ATXN10: variants seen among roughly 807,000 people sequenced by gnomAD.
ATXN10 encodes ataxin 10.
A neutral mutation model predicts 52.9 loss-of-function variants in ATXN10; 28 were observed. The observed-to-expected ratio is 0.53, with a 90% CI of 0.39 to 0.73. ATXN10 has a LOEUF of 0.73. Ranked by LOEUF, ATXN10 falls within the 30% of genes least tolerant of loss-of-function variation. The pLI is 0.00. For synonymous variants in ATXN10, 226 were observed against 221.5 expected (o/e 1.02, Z -0.18); for missense variants, 565 against 577.0 (o/e 0.98, Z 0.21).
intron 3 of ATXN10, among the ~76,000 whole-genome samples, chr22:45,698,108 A>ACAC (rs1239231212): frequency 1.3e-5 from 2 of 152,120 alleles, no homozygotes; most frequent in East Asian, 3.9e-4. Flanking sequence ...GCTGTTGTGA[A>ACAC]CATGCTGGTA....
rs1926091159 is a variant in ATXN10 at position 45,754,113 on chromosome 22, A to G, written c.1173+13575A>G. ...GACGCAACCTGGGTTCCTGAGCCTT[A>G]TGGGGTTAAGTGCAAAAGTGAGTCC... is the stretch of plus-strand genomic sequence containing the variant. On this transcript the variant is annotated intron_variant, in intron 9 of 11. Coordinates refer to ENST00000252934, the MANE Select transcript of ATXN10 (RefSeq NM_013236.4). This position sits in a 1 kb window ranked among gnomAD's most constrained non-coding sequence, Gnocchi z 5.4. Among the ~76,000 whole-genome samples, 1 of 152,142 alleles carries G rather than the reference A, an allele frequency of 6.6e-6. No homozygotes were observed. Among genetic ancestry groups the G allele is most frequent in the Admixed American group, 6.5e-5 (1 of 15,276 alleles).
rs564313702 is a variant in ATXN10 at position 45,722,852 on chromosome 22, T to A, written c.728+4359T>A. Among the ~76,000 whole-genome samples the A allele has an allele frequency of 7.9e-5, 12 of 152,244 alleles. No homozygotes were observed. In the South Asian group the frequency reaches 2.3e-3, roughly 29 times the overall value. On this transcript the variant is annotated intron_variant, in intron 6 of 11. Coordinates refer to ENST00000252934, the MANE Select transcript of ATXN10 (RefSeq NM_013236.4). ...CTGCACTATTGTTCGTTTTTTTTCT[T>A]CAGTTGTAATCCATCTGTTTTCTTT...
At chr22:45,739,312 A>T (rs1421215999) in intron 8 of ATXN10, among the ~76,000 whole-genome samples, 27 of 152,258 alleles carry the variant, frequency 1.8e-4, no homozygotes, top group Admixed American at 1.8e-3. Flanking sequence ...CCATTGTTAA[A>T]AGTATTACCA....
At chr22:45,695,494 C>T (rs1601592921) in intron 3 of ATXN10, among the ~76,000 whole-genome samples, 4 of 140,900 alleles carry the variant, frequency 2.8e-5, no homozygotes, top group Admixed American at 7.1e-5. Context: ...AGGCATATTT[C>T]TTTTTTTTTT....
Position 45,678,763 on chromosome 22 carries a change from T to G in ATXN10, c.116+6584T>G, listed in dbSNP as rs983711849. Reference sequence around the variant, plus strand: ...ATTGATTAGTTTACCATGTAATTCATTCATTGACTCACACCACACATGATA... The same window carrying G: ...ATTGATTAGTTTACCATGTAATTCAGTCATTGACTCACACCACACATGATA... On this transcript the variant is annotated intron_variant, in intron 1 of 11. Coordinates refer to ENST00000252934, the MANE Select transcript of ATXN10 (RefSeq NM_013236.4). The surrounding 1 kb of genome is among the most constrained non-coding windows in gnomAD (Gnocchi z 4.1). 1 of 152,244 alleles carries G rather than the reference T, an allele frequency of 6.6e-6. No homozygotes were observed. The highest frequency in any genetic ancestry group is 1.5e-5 in the Non-Finnish European group (1 of 68,046). 9.4% of individuals were successfully genotyped at this position (152,244 alleles called of 1,614,324 possible).
chr22:45,747,136 A>G (rs1947315661), intron 9 of ATXN10, among the ~76,000 whole-genome samples: 2 of 152,084 alleles, frequency 1.3e-5, no homozygotes, highest in African/African-American at 4.8e-5. Flanking sequence ...TCTTTCCCAG[A>G]TACATGTTTT....
intron 9 of ATXN10, among the ~76,000 whole-genome samples, chr22:45,806,514 A>C (rs1928104152): frequency 6.6e-6 from 1 of 152,190 alleles, no homozygotes. Context: ...TTGAAAAACA[A>C]ATAGTCAAAT....
At chr22:45,830,705 A>C (rs1226546467) in intron 10 of ATXN10, among the ~76,000 whole-genome samples, 1 of 152,142 alleles carries the variant, frequency 6.6e-6, no homozygotes, top group Non-Finnish European at 1.5e-5. Context: ...AAAAAAAAAA[A>C]AAACAAGTCT....
chr22:45,789,273 C>T lies in ATXN10; in HGVS notation c.1174-17686C>T, dbSNP rs1927424294. Among the ~76,000 whole-genome samples, 1 of 152,186 alleles carries T rather than the reference C, an allele frequency of 6.6e-6. No homozygotes were observed. Among genetic ancestry groups the T allele is most frequent in the African/African-American group, 2.4e-5 (1 of 41,444 alleles). On this transcript the variant is annotated intron_variant, in intron 9 of 11. Transcript: ENST00000252934. This position sits in a 1 kb window ranked among gnomAD's most constrained non-coding sequence, Gnocchi z 4.0. Reference sequence around the variant, plus strand: ...TTTTAGTTATTAATTTACTCACCTGCCTCCCCCTGGCTAAGTTTCATTCAG... The same window carrying T: ...TTTTAGTTATTAATTTACTCACCTGTCTCCCCCTGGCTAAGTTTCATTCAG...
rs1007924609 is a variant in ATXN10, at chr22:45,819,897, T to C, written c.1237+12875T>C. On this transcript the variant is annotated intron_variant, in intron 10 of 11. Transcript: ENST00000252934. This position sits in a 1 kb window ranked among gnomAD's most constrained non-coding sequence, Gnocchi z 4.5. ...TTTGTGAGACACTTGAGAGACTGGG[T>C]AGCCAAAGTTTGGCATAAAGGAACA... Among the ~76,000 whole-genome samples the C allele has an allele frequency of 6.6e-6, 1 of 152,190 alleles. No individual in the cohort carries two copies. Among genetic ancestry groups the C allele is most frequent in the African/African-American group, 2.4e-5 (1 of 41,448 alleles).
chr22:45,721,337 A>T (rs1447772863), intron 6 of ATXN10, among the ~76,000 whole-genome samples: 3 of 152,164 alleles, frequency 2.0e-5, no homozygotes, highest in African/African-American at 7.2e-5. Context: ...GTAGTTAAGG[A>T]CAGATGCTAG....
At chr22:45,811,173 A>G (rs1928267597) in intron 10 of ATXN10, among the ~76,000 whole-genome samples, 1 of 152,052 alleles carries the variant, frequency 6.6e-6, no homozygotes, top group Non-Finnish European at 1.5e-5. Context: ...TTCCCTTTAT[A>G]TGTTTTGAGG....
At chr22:45,779,210 G>A (rs535385977) in intron 9 of ATXN10, among the ~76,000 whole-genome samples, 1 of 152,266 alleles carries the variant, frequency 6.6e-6, no homozygotes, top group African/African-American at 2.4e-5. Flanking sequence ...TCTAAGTACA[G>A]AATGCATAAT....
chr22:45,821,410 A>G (rs548295570), intron 10 of ATXN10, among the ~76,000 whole-genome samples: 1 of 151,796 alleles, frequency 6.6e-6, no homozygotes, highest in Admixed American at 6.6e-5. Context: ...AGGAAGCACC[A>G]GGAAATCCTA....
chr22:45,798,244 G>A (rs766662488), intron 9 of ATXN10, among the ~76,000 whole-genome samples: 2 of 152,184 alleles, frequency 1.3e-5, no homozygotes, highest in African/African-American at 2.4e-5. Context: ...CTACAGAGCA[G>A]TGTCTCTCAT....
intron 9 of ATXN10, among the ~76,000 whole-genome samples, chr22:45,756,576 A>G (rs1250762400): frequency 6.6e-6 from 1 of 152,240 alleles, no homozygotes; most frequent in Non-Finnish European, 1.5e-5. Flanking sequence ...ATCATTTGAG[A>G]AAAATGAACT....
intron 10 of ATXN10, among the ~76,000 whole-genome samples, chr22:45,834,694 A>G (rs1929107545): frequency 6.6e-6 from 1 of 152,202 alleles, no homozygotes; most frequent in South Asian, 2.1e-4. Flanking sequence ...TTAAACACTC[A>G]TACTGTAGCC....
chr22:45,812,589 C>G (rs1928318679), intron 10 of ATXN10, among the ~76,000 whole-genome samples: 1 of 152,058 alleles, frequency 6.6e-6, no homozygotes, highest in Admixed American at 6.5e-5. Context: ...TTTGGTTTAA[C>G]CCATTTTTCT....
rs187546628 is a variant in ATXN10 at position 45,709,891 on chromosome 22, T to G, written c.647+7044T>G. Among the ~76,000 whole-genome samples the G allele has an allele frequency of 2.6e-4, 39 of 152,324 alleles. No homozygotes were observed. The East Asian group carries it at 7.3e-3, about 29-fold the overall frequency. On this transcript the variant is annotated intron_variant, in intron 5 of 11. Transcript: ENST00000252934. The stretch of plus-strand genomic sequence containing the variant: ...CACCATTTACTCGTTTGCTGAGGCC[T>G]GGAACCTGAGTCCTGATTTTCTTTC...
Sources: allele counts gnomAD v4.1 joint callset (sites outside exome capture counted in the v4.1 genomes callset), GRCh38; gene constraint gnomAD v4.1.1; non-coding constraint Gnocchi (gnomAD v3.1); transcripts MANE v1.5; gene names NCBI Gene and HGNC (gene_info 2026-07-23, HGNC 2026-07-21).